Variants in SH3RF1 observed in about 807,000 individuals in gnomAD.
The protein encoded by SH3RF1 is E3 ubiquitin-protein ligase SH3RF1.
SH3RF1 carries 32 observed loss-of-function variants against 74.0 expected under a neutral mutation model. That is an observed-to-expected ratio of 0.43 (90% confidence interval 0.33 to 0.58). The LOEUF is 0.58. Among genes scored for constraint, SH3RF1 ranks in the 20% least tolerant of loss-of-function variants. The pLI, the probability that SH3RF1 is intolerant of heterozygous loss-of-function variation, is 0.05. For missense variants in SH3RF1, 954 were observed against 1,130.9 expected (o/e 0.84, Z 2.24); for synonymous variants, 396 against 439.6 (o/e 0.90, Z 1.24).
In SH3RF1 at chr4:169,107,145, C is replaced by T. The variant is rs776495154; in HGVS notation, c.2200G>A (p.Val734Met). The T allele has an allele frequency of 1.6e-5, 26 of 1,596,270 alleles. No individual in the cohort carries two copies. The highest frequency in any genetic ancestry group is 2.2e-5 in the East Asian group (1 of 44,674). Residue 734 changes from valine (V) to methionine (M), a missense_variant, in exon 11 of 12, where the codon GTG (valine) becomes ATG (methionine). Transcript: ENST00000284637. ...SGASTKRKPR[V>M]SPPASPTLEV... Reference sequence around the variant, plus strand: ...AGGGTGGGCGATGCTGGAGGAGACACGCGGGGCTTCCGTTTAGTGGAGGCG... The same window carrying T: ...AGGGTGGGCGATGCTGGAGGAGACATGCGGGGCTTCCGTTTAGTGGAGGCG...
At chr4:169,239,263 G>A (rs1433801658) in intron 2 of SH3RF1, among the ~76,000 whole-genome samples, 1 of 151,956 alleles carries the variant, frequency 6.6e-6, no homozygotes, top group Non-Finnish European at 1.5e-5. Context: ...GAATATTTTT[G>A]TAACCATTGC....
At chr4:169,163,443 A>C (rs1734184409) in intron 2 of SH3RF1, among the ~76,000 whole-genome samples, 1 of 152,196 alleles carries the variant, frequency 6.6e-6, no homozygotes, top group Non-Finnish European at 1.5e-5. Context: ...ATGTTGCAGG[A>C]AAAGTGGGCT....
chr4:169,136,270 C>A (rs769501810), intron 5 of SH3RF1, 48 bp downstream of exon 5: 1 of 1,346,910 alleles, frequency 7.4e-7, no homozygotes, highest in East Asian at 2.7e-5. Flanking sequence ...GTAAGTTGAT[C>A]CTTTTGTGGG....
chr4:169,206,940 T>A (rs184707144), intron 2 of SH3RF1, among the ~76,000 whole-genome samples: 1 of 152,060 alleles, frequency 6.6e-6, no homozygotes, highest in Non-Finnish European at 1.5e-5. Context: ...AATACTGGCA[T>A]GAACAACATA....
intron 7 of SH3RF1, 66 bp downstream of exon 7, chr4:169,122,034 G>T: frequency 6.3e-7 from 1 of 1,581,482 alleles, no homozygotes; most frequent in South Asian, 1.1e-5. Context: ...GGTGTTTCTT[G>T]ACCTCTGAGG....
At chr4:169,218,208 TATATA>T (rs1273640099) in intron 2 of SH3RF1, among the ~76,000 whole-genome samples, 15 of 143,180 alleles carry the variant, frequency 1.0e-4, no homozygotes, top group South Asian at 8.5e-4. Context: ...TATAATATAA[TATATA>T]ATATAATATA....
chr4:169,156,756 A>G, intron 2 of SH3RF1, 77 bp from the exon 3 acceptor site: 1 of 1,388,946 alleles, frequency 7.2e-7, no homozygotes, highest in Non-Finnish European at 9.7e-7. Context: ...CTGCGTTGTC[A>G]TTGTTTTAAA....
intron 2 of SH3RF1, among the ~76,000 whole-genome samples, chr4:169,173,008 G>C (rs9312447): frequency 0.13 from 20,220 of 152,174 alleles, 1,940 homozygotes; most frequent in African/African-American, 0.27. Flanking sequence ...AAAAGTGTGT[G>C]AAATTCTAAT....
chr4:169,158,717 A>T (rs1372617145), intron 2 of SH3RF1, among the ~76,000 whole-genome samples: 2 of 152,202 alleles, frequency 1.3e-5, no homozygotes, highest in Non-Finnish European at 2.9e-5. Flanking sequence ...TATAGTTAGC[A>T]TTACTTATAT....
At chr4:169,229,976 C>T (rs534432914) in intron 2 of SH3RF1, among the ~76,000 whole-genome samples, 16 of 146,532 alleles carry the variant, frequency 1.1e-4, no homozygotes, top group Admixed American at 3.3e-4. Context: ...GAGGTGGAGA[C>T]GGGTGGATCA....
chr4:169,133,989 G>A (rs1733658583), intron 5 of SH3RF1, among the ~76,000 whole-genome samples: 1 of 152,158 alleles, frequency 6.6e-6, no homozygotes, highest in South Asian at 2.1e-4. Flanking sequence ...GATCTCCATG[G>A]TTGGAAGAGT....
At chr4:169,172,113 A>G (rs1354868933) in intron 2 of SH3RF1, among the ~76,000 whole-genome samples, 1 of 152,190 alleles carries the variant, frequency 6.6e-6, no homozygotes, top group Non-Finnish European at 1.5e-5. Context: ...TAAATTTTCC[A>G]CTCTGAAATT....
intron 2 of SH3RF1, among the ~76,000 whole-genome samples, chr4:169,234,581 C>T (rs2127009172): frequency 6.6e-6 from 1 of 152,320 alleles, no homozygotes; most frequent in African/African-American, 2.4e-5. Flanking sequence ...ACTTCTAACA[C>T]TGGACTTGCC....
chr4:169,139,180 G>A (rs945500206), intron 4 of SH3RF1, among the ~76,000 whole-genome samples: 3 of 152,176 alleles, frequency 2.0e-5, no homozygotes, highest in South Asian at 2.1e-4. Context: ...GAGCTCAAGC[G>A]ATCCTCCTGT....
rs539152495 is a variant in SH3RF1, at chr4:169,134,249, G to A, written c.1068+2069C>T. Among the ~76,000 whole-genome samples, 6 of 152,234 alleles carry A rather than the reference G, an allele frequency of 3.9e-5. No homozygotes were observed. In the South Asian group the frequency reaches 6.2e-4, roughly 16 times the overall value. On this transcript the variant is annotated intron_variant, in intron 5 of 11. Coordinates refer to ENST00000284637, the MANE Select transcript of SH3RF1 (RefSeq NM_020870.4). ...ATGGTTGAAGGGGAAACTTTTAATG[G>A]AACACAGAAAGAGCCTTGTTTCCTA...
At chr4:169,234,215 ATAAT>A (rs1374384249) in intron 2 of SH3RF1, among the ~76,000 whole-genome samples, 1 of 152,090 alleles carries the variant, frequency 6.6e-6, no homozygotes, top group African/African-American at 2.4e-5. Flanking sequence ...CCCACTTGGG[ATAAT>A]TAATCGGGAG....
At chr4:169,246,834 AT>A (rs753168402) in intron 2 of SH3RF1, among the ~76,000 whole-genome samples, 5 of 152,200 alleles carry the variant, frequency 3.3e-5, no homozygotes, top group Non-Finnish European at 5.9e-5. Context: ...TCCCATTCAA[AT>A]TTTTTCATCT....
At chr4:169,194,903 T>A (rs1734785104) in intron 2 of SH3RF1, among the ~76,000 whole-genome samples, 2 of 152,198 alleles carry the variant, frequency 1.3e-5, no homozygotes, top group South Asian at 4.1e-4. Flanking sequence ...GAGCACCTTT[T>A]CAAAAGACTA....
chr4:169,209,287 C>T (rs2660420), intron 2 of SH3RF1, among the ~76,000 whole-genome samples: 141,966 of 150,492 alleles, frequency 0.94, 67,492 homozygotes, highest in East Asian at 1. Flanking sequence ...AGACCCTGTC[C>T]GAAAAAAAAA....
Sources: gnomAD v4.1 joint callset for allele counts (sites outside exome capture counted in the v4.1 genomes callset) on GRCh38, gnomAD v4.1.1 for gene constraint, MANE v1.5 for transcripts, NCBI Gene and HGNC (gene_info 2026-07-23, HGNC 2026-07-21) for gene names.